Variants in BACH2 observed in about 807,000 individuals in gnomAD.
The protein encoded by BACH2 is transcription regulator protein BACH2.
In BACH2, 5 loss-of-function variants were observed where a neutral mutation model predicts 61.8. The observed-to-expected ratio is 0.08, with a 90% CI of 0.04 to 0.17. The LOEUF is 0.17. Ranked by LOEUF, BACH2 falls within the 10% of genes least tolerant of loss-of-function variation. The pLI, the probability that BACH2 is intolerant of heterozygous loss-of-function variation, is 1.00. For synonymous variants in BACH2, 446 were observed against 440.1 expected, an observed-to-expected ratio of 1.01 and a Z score of -0.17; for missense variants, 824 against 1,091.1, an observed-to-expected ratio of 0.76 and a Z score of 3.45.
chr6:90,234,980 C>G (rs1283913170), intron 3 of BACH2, among the ~76,000 whole-genome samples: 1 of 152,150 alleles, frequency 6.6e-6, no homozygotes, highest in Non-Finnish European at 1.5e-5. Flanking sequence ...AAAAGTTGCC[C>G]CTCCCCATAC....
chr6:90,110,352 G>A (rs1783114694), intron 4 of BACH2, among the ~76,000 whole-genome samples: 1 of 152,124 alleles, frequency 6.6e-6, no homozygotes, highest in Admixed American at 6.6e-5. Flanking sequence ...AAATCTATTG[G>A]TCTATCTTGC....
intron 5 of BACH2, among the ~76,000 whole-genome samples, chr6:90,068,497 T>C (rs1781069305): frequency 6.6e-6 from 1 of 152,178 alleles, no homozygotes; most frequent in Non-Finnish European, 1.5e-5. Context: ...TTCCTGTACC[T>C]CCCATGGAGA....
At chr6:89,960,198 C>A (rs900305180) in intron 6 of BACH2, among the ~76,000 whole-genome samples, 5 of 152,208 alleles carry the variant, frequency 3.3e-5, no homozygotes, top group African/African-American at 1.2e-4. Flanking sequence ...ACCTGTGTAA[C>A]CAATTTCCTG....
intron 4 of BACH2, chr6:90,116,983 C>A: frequency 5.3e-6 from 2 of 380,170 alleles, no homozygotes; most frequent in South Asian, 7.3e-5. Flanking sequence ...ATGGGTTGCT[C>A]CTTCTTTCTC....
At chr6:90,014,601 G>A (rs1305757382) in intron 5 of BACH2, among the ~76,000 whole-genome samples, 7 of 147,580 alleles carry the variant, frequency 4.7e-5, no homozygotes, top group Admixed American at 4.1e-4. Context: ...TCAGCCTCCC[G>A]AGTAGCTGGG....
intron 6 of BACH2, among the ~76,000 whole-genome samples, chr6:89,997,103 C>A (rs117308688): frequency 2.1e-4 from 32 of 152,148 alleles, no homozygotes; most frequent in East Asian, 1.2e-3. Context: ...TATACTGTTA[C>A]AAAATCCTCC....
At chr6:90,191,506 T>C (rs1213551798) in intron 4 of BACH2, among the ~76,000 whole-genome samples, 1 of 152,240 alleles carries the variant, frequency 6.6e-6, no homozygotes, top group Non-Finnish European at 1.5e-5. Flanking sequence ...ACTCAATATA[T>C]TTCGAATTCA....
At chr6:90,198,214 C>T (rs978632783) in intron 4 of BACH2, among the ~76,000 whole-genome samples, 5 of 152,190 alleles carry the variant, frequency 3.3e-5, no homozygotes, top group Non-Finnish European at 5.9e-5. Flanking sequence ...GGCTCATCCT[C>T]AGGCTTGTAC....
At chr6:90,255,077 A>C (rs1770933964) in intron 2 of BACH2, among the ~76,000 whole-genome samples, 1 of 152,184 alleles carries the variant, frequency 6.6e-6, no homozygotes, top group South Asian at 2.1e-4. Context: ...AGCCCACATA[A>C]ATAATACAAA....
intron 4 of BACH2, among the ~76,000 whole-genome samples, chr6:90,156,612 C>T (rs1386568903): frequency 1.3e-5 from 2 of 152,092 alleles, no homozygotes; most frequent in Non-Finnish European, 2.9e-5. Flanking sequence ...GTTTCTACTA[C>T]CAAACAAGTA....
chr6:89,937,328 A>G (rs1035574663), intron 8 of BACH2, among the ~76,000 whole-genome samples: 1 of 152,156 alleles, frequency 6.6e-6, no homozygotes, highest in Non-Finnish European at 1.5e-5. Flanking sequence ...ACAAGACACG[A>G]TTTGGAATCA....
intron 1 of BACH2, among the ~76,000 whole-genome samples, chr6:90,296,204 A>T (rs1347455466): frequency 2.0e-5 from 3 of 151,948 alleles, no homozygotes; most frequent in Non-Finnish European, 2.9e-5. Flanking sequence ...CCAGCAAAAT[A>T]CAATGCGCCT....
intron 4 of BACH2, among the ~76,000 whole-genome samples, chr6:90,195,766 A>G (rs1365218705): frequency 6.6e-6 from 1 of 152,216 alleles, no homozygotes; most frequent in Non-Finnish European, 1.5e-5. Context: ...GCAGCACATT[A>G]AAATCAAATT....
chr6:90,135,232 C>T (rs768539917), intron 4 of BACH2, among the ~76,000 whole-genome samples: 2 of 152,216 alleles, frequency 1.3e-5, no homozygotes, highest in Non-Finnish European at 2.9e-5. Flanking sequence ...ACACAGCCAA[C>T]TAAAACCTTA....
intron 1 of BACH2, among the ~76,000 whole-genome samples, chr6:90,290,042 A>T (rs998401327): frequency 6.6e-6 from 1 of 152,226 alleles, no homozygotes; most frequent in African/African-American, 2.4e-5. Flanking sequence ...AGGTAAATAA[A>T]TCAATTCTGG....
At chr6:89,949,235 C>A in intron 7 of BACH2, among the ~76,000 whole-genome samples, 1 of 152,168 alleles carries the variant, frequency 6.6e-6, no homozygotes, top group East Asian at 1.9e-4. Context: ...TGTTTCATTT[C>A]TTCCTGTGTT....
intron 2 of BACH2, among the ~76,000 whole-genome samples, chr6:90,270,482 T>G (rs1265617784): frequency 6.6e-6 from 1 of 152,066 alleles, no homozygotes; most frequent in Non-Finnish European, 1.5e-5. Flanking sequence ...CAACAGCTGC[T>G]AAATAAACAA....
At chr6:89,955,787 C>G (rs1165249119) in intron 6 of BACH2, among the ~76,000 whole-genome samples, 4 of 152,008 alleles carry the variant, frequency 2.6e-5, no homozygotes, top group Non-Finnish European at 4.4e-5. Context: ...CAGTGAAAAG[C>G]TGTATGTTCA....
chr6:90,173,723 G>A (rs1182495017), intron 4 of BACH2, among the ~76,000 whole-genome samples: 3 of 152,106 alleles, frequency 2.0e-5, no homozygotes, highest in Non-Finnish European at 2.9e-5. Context: ...CTGGTGTGAC[G>A]GAAATATCTA....
Sources: allele counts gnomAD v4.1 joint callset (sites outside exome capture counted in the v4.1 genomes callset), GRCh38; gene constraint gnomAD v4.1.1; transcripts MANE v1.5; gene names NCBI Gene and HGNC (gene_info 2026-07-23, HGNC 2026-07-21).